ACTN4: variants seen among roughly 807,000 people sequenced by gnomAD.
ACTN4 encodes the protein alpha-actinin-4.
In ACTN4, 18 loss-of-function variants were observed where a neutral mutation model predicts 114.2. The ratio of observed to expected loss-of-function variants is 0.16; its 90% CI spans 0.11 to 0.23. The LOEUF (loss-of-function observed/expected upper bound fraction) is 0.23, where lower values mean the gene tolerates loss of function less well. ACTN4 is among the 10% of genes least tolerant of loss of function. The pLI is 1.00. For synonymous variants in ACTN4, 515 were observed against 506.3 expected (o/e 1.02, Z -0.23); for missense variants, 722 against 1,262.9 (o/e 0.57, Z 6.49).
At chr19:38,676,221 T>G (rs1326481008) in intron 1 of ACTN4, among the ~76,000 whole-genome samples, 1 of 152,210 alleles carries the variant, frequency 6.6e-6, no homozygotes, top group Non-Finnish European at 1.5e-5. Context: ...GTGTCTGCAT[T>G]TGAAGCCAGC....
At chr19:38,658,858 C>T (rs1599761851) in intron 1 of ACTN4, among the ~76,000 whole-genome samples, 1 of 152,054 alleles carries the variant, frequency 6.6e-6, no homozygotes, top group East Asian at 1.9e-4. Context: ...AGCTACACTG[C>T]CAAGACTGTG....
intron 1 of ACTN4, among the ~76,000 whole-genome samples, chr19:38,650,627 G>A (rs775807391): frequency 2.0e-5 from 3 of 152,208 alleles, no homozygotes; most frequent in African/African-American, 2.4e-5. Context: ...CTGTTATGGG[G>A]TAGGGATTCT....
At chr19:38,706,680 A>G (rs1229279114) in intron 5 of ACTN4, among the ~76,000 whole-genome samples, 1 of 152,168 alleles carries the variant, frequency 6.6e-6, no homozygotes, top group African/African-American at 2.4e-5. Context: ...CGGCCTCCCA[A>G]AGTGCTGGGA....
intron 8 of ACTN4, 40 bp from the exon 9 acceptor site, chr19:38,714,429 G>T (rs761125347): frequency 1.2e-6 from 2 of 1,602,552 alleles, no homozygotes; most frequent in South Asian, 1.1e-5. Flanking sequence ...AGGGAGGGTG[G>T]CCAGCCCCCA....
chr19:38,652,205 A>G (rs976715886), intron 1 of ACTN4, among the ~76,000 whole-genome samples: 1 of 152,048 alleles, frequency 6.6e-6, no homozygotes, highest in Non-Finnish European at 1.5e-5. Flanking sequence ...AAGGAACCAA[A>G]CTCAAACTCA....
rs1976420491 is a variant in ACTN4 at position 38,647,653 on chromosome 19, CA to C, written c.-92del. On this transcript the variant is annotated 5_prime_UTR_variant, in exon 1 of 21. Coordinates refer to ENST00000252699, the MANE Select transcript of ACTN4 (RefSeq NM_004924.6). ...GGCGCGGGCGGAGGGCGGGCTGAAG[CA>C]GCTGAAGCGGCGGTAGCGGCGGCGG... 6.9e-7 allele frequency: 1 copy of C among 1,449,958 alleles called. No homozygotes were observed. The highest frequency in any genetic ancestry group is 1.5e-5 in the African/African-American group (1 of 67,344). The allele number at this position is 1,449,958 out of a possible 1,614,324, so 89.8% of individuals were successfully genotyped here.
At chr19:38,719,289 G>A (rs560173396) in intron 11 of ACTN4, among the ~76,000 whole-genome samples, 8 of 152,286 alleles carry the variant, frequency 5.3e-5, no homozygotes, top group Admixed American at 3.3e-4. Flanking sequence ...CTGGCCCTCC[G>A]GCCGCCACTC....
At chr19:38,655,861 C>T (rs1272998288) in intron 1 of ACTN4, among the ~76,000 whole-genome samples, 3 of 152,142 alleles carry the variant, frequency 2.0e-5, no homozygotes, top group Non-Finnish European at 4.4e-5. Flanking sequence ...TTTAAATCAT[C>T]TCTAGATTAC....
intron 1 of ACTN4, among the ~76,000 whole-genome samples, chr19:38,698,875 G>A (rs929461116): frequency 2.6e-5 from 4 of 152,176 alleles, no homozygotes; most frequent in Admixed American, 6.5e-5. Context: ...GCTTTGTGTC[G>A]AGTCTCCCTG....
At chr19:38,665,763 T>A (rs933877910) in intron 1 of ACTN4, among the ~76,000 whole-genome samples, 3 of 152,206 alleles carry the variant, frequency 2.0e-5, no homozygotes, top group Non-Finnish European at 4.4e-5. Context: ...GGATGTGCCA[T>A]AGGCAGTGCC....
Position 38,710,286 on chromosome 19 carries a change from A to G in ACTN4, c.763A>G (p.Lys255Glu), listed in dbSNP as rs121908415. The change falls in exon 8 of 21, where the codon AAG becomes GAG. Residue 255 changes from lysine (K) to glutamate (E), a missense_variant. By Grantham distance (56) the Lys-to-Glu change is moderately conservative. Coordinates refer to ENST00000252699, the MANE Select transcript of ACTN4 (RefSeq NM_004924.6). ...CGTGAACACGGCCCGGCCCGACGAG[A>G]AGGCCATAATGACCTATGTGTCCAG... ...DIVNTARPDE[K>E]AIMTYVSSFY... 1 of 1,613,968 alleles carries G rather than the reference A, an allele frequency of 6.2e-7. No homozygotes were observed. Among genetic ancestry groups the G allele is most frequent in the Non-Finnish European group, 8.5e-7 (1 of 1,180,032 alleles).
rs1443771856 is a variant in ACTN4 at position 38,724,089 on chromosome 19, C to T, written c.1692+12C>T. 6.2e-7 allele frequency: 1 copy of T among 1,613,666 alleles called. No homozygotes were observed. Among genetic ancestry groups the T allele is most frequent in the South Asian group, 1.1e-5 (1 of 91,084 alleles). On this transcript the variant is annotated intron_variant, in intron 14 of 20. Transcript: ENST00000252699. The surrounding 1 kb of genome is among the most constrained non-coding windows in gnomAD (Gnocchi z 7.0). ...TCGAGGAGATTGAGGTTCGCACCCC[C>T]CGGCCCCCCATCTTCCCAAGAGCCT... is the stretch of plus-strand genomic sequence containing the variant.
chr19:38,676,661 G>C (rs1410679713), intron 1 of ACTN4, among the ~76,000 whole-genome samples: 1 of 152,212 alleles, frequency 6.6e-6, no homozygotes, highest in East Asian at 1.9e-4. Context: ...CTCTACCACA[G>C]ACAGGCCCGG....
intron 1 of ACTN4, among the ~76,000 whole-genome samples, chr19:38,697,059 G>C (rs1388470518): frequency 6.6e-6 from 1 of 152,238 alleles, no homozygotes; most frequent in Non-Finnish European, 1.5e-5. Flanking sequence ...CTTGCCTGAG[G>C]CCTCAGTGGC....
intron 1 of ACTN4, among the ~76,000 whole-genome samples, chr19:38,682,278 G>A (rs1967601132): frequency 6.6e-6 from 1 of 152,136 alleles, no homozygotes; most frequent in Admixed American, 6.5e-5. Context: ...GGCCTCAAGT[G>A]ATCTGCCTGC....
chr19:38,685,515 G>A (rs1487137929), intron 1 of ACTN4, among the ~76,000 whole-genome samples: 1 of 152,202 alleles, frequency 6.6e-6, no homozygotes, highest in African/African-American at 2.4e-5. Context: ...CAGGCAGGCT[G>A]GTGAGCACCC....
chr19:38,683,677 C>T (rs1340421265), intron 1 of ACTN4, among the ~76,000 whole-genome samples: 1 of 152,234 alleles, frequency 6.6e-6, no homozygotes, highest in African/African-American at 2.4e-5. Context: ...CCTGTGCAGT[C>T]CGGGAACCGA....
chr19:38,663,703 T>G (rs1194927986), intron 1 of ACTN4, among the ~76,000 whole-genome samples: 1 of 152,174 alleles, frequency 6.6e-6, no homozygotes, highest in Non-Finnish European at 1.5e-5. Context: ...CCCATGAGCA[T>G]CGTCTTCGGG....
Position 38,730,223 on chromosome 19 carries a change from A to G in ACTN4, c.*791A>G, listed in dbSNP as rs1360008600. Reference sequence around the variant, plus strand: ...TACTATTTACTTTATTAACTTACGGATTTATTATATAAATATATATTCACC... The same window carrying G: ...TACTATTTACTTTATTAACTTACGGGTTTATTATATAAATATATATTCACC... On this transcript the variant is annotated 3_prime_UTR_variant, in exon 21 of 21. Transcript: ENST00000252699. The G allele has an allele frequency of 1.3e-5, 2 of 156,708 alleles. No individual in the cohort carries two copies. Among genetic ancestry groups the G allele is most frequent in the African/African-American group, 2.4e-5 (1 of 41,352 alleles). The allele number at this position is 156,708 out of a possible 1,614,324, so 9.7% of individuals were successfully genotyped here. A position where few individuals can be genotyped will look rare whatever the true frequency, so the allele number is the denominator to read the frequency against.
Sources: allele counts gnomAD v4.1 joint callset (sites outside exome capture counted in the v4.1 genomes callset), GRCh38; gene constraint gnomAD v4.1.1; non-coding constraint Gnocchi (gnomAD v3.1); transcripts MANE v1.5; gene names NCBI Gene and HGNC (gene_info 2026-07-23, HGNC 2026-07-21).